Variants in NOL10 observed in about 807,000 individuals in gnomAD.
The protein encoded by NOL10 is H_NH0074G24.1.
A neutral mutation model predicts 103.5 loss-of-function variants in NOL10; 58 were observed. The observed-to-expected ratio is 0.56, with a 90% CI of 0.45 to 0.70. NOL10 has a LOEUF of 0.70. Among genes scored for constraint, NOL10 ranks in the 30% least tolerant of loss-of-function variants. NOL10 has a pLI of 0.00. For missense variants in NOL10, 763 were observed against 807.3 expected, an observed-to-expected ratio of 0.95 and a Z score of 0.67; for synonymous variants, 287 against 282.5, an observed-to-expected ratio of 1.02 and a Z score of -0.16.
At chr2:10,622,344 G>A (rs1249895182) in intron 13 of NOL10, among the ~76,000 whole-genome samples, 2 of 152,122 alleles carry the variant, frequency 1.3e-5, no homozygotes, top group South Asian at 2.1e-4. Context: ...CCCATGCCAC[G>A]CTGTGTGTGT....
intron 2 of NOL10, among the ~76,000 whole-genome samples, chr2:10,683,649 T>C (rs1681941565): frequency 6.6e-6 from 1 of 152,204 alleles, no homozygotes; most frequent in South Asian, 2.1e-4. Flanking sequence ...CTGTCCCTTC[T>C]GGACAAAACA....
chr2:10,643,554 G>T (rs1199736687), intron 13 of NOL10, among the ~76,000 whole-genome samples: 3 of 152,082 alleles, frequency 2.0e-5, no homozygotes, highest in East Asian at 3.8e-4. Flanking sequence ...TTTAAGAGAA[G>T]AATTATTTAA....
intron 17 of NOL10, among the ~76,000 whole-genome samples, chr2:10,591,849 A>C (rs1203977970): frequency 6.6e-6 from 1 of 152,028 alleles, no homozygotes; most frequent in Non-Finnish European, 1.5e-5. Flanking sequence ...ACAAAATATA[A>C]AAAATTAGTC....
intron 17 of NOL10, among the ~76,000 whole-genome samples, chr2:10,597,797 A>G (rs1181174754): frequency 1.3e-5 from 2 of 152,226 alleles, no homozygotes; most frequent in Non-Finnish European, 2.9e-5. Flanking sequence ...AGCTATGAAG[A>G]GCTGAAGAGA....
intron 13 of NOL10, among the ~76,000 whole-genome samples, chr2:10,637,519 G>A (rs141182813): frequency 8.7e-4 from 132 of 152,280 alleles, no homozygotes; most frequent in Non-Finnish European, 1.6e-3. Context: ...AGATACCAGC[G>A]TTGAACCCTG....
At chr2:10,640,811 G>C (rs1678646662) in intron 13 of NOL10, among the ~76,000 whole-genome samples, 1 of 152,202 alleles carries the variant, frequency 6.6e-6, no homozygotes, top group African/African-American at 2.4e-5. Flanking sequence ...ACATATAATA[G>C]AGGCAACTAA....
chr2:10,673,960 C>G (rs956304836), intron 4 of NOL10, among the ~76,000 whole-genome samples: 1 of 150,812 alleles, frequency 6.6e-6, no homozygotes, highest in African/African-American at 2.4e-5. Context: ...AGAAAAAGAG[C>G]GAAAAATAGC....
chr2:10,641,853 G>A (rs1310807760), intron 13 of NOL10, among the ~76,000 whole-genome samples: 1 of 151,992 alleles, frequency 6.6e-6, no homozygotes, highest in South Asian at 2.1e-4. Context: ...TCTCCATAAC[G>A]CGGCTCTCCA....
At chr2:10,681,637 T>C (rs889184978) in intron 3 of NOL10, among the ~76,000 whole-genome samples, 4 of 152,188 alleles carry the variant, frequency 2.6e-5, no homozygotes, top group South Asian at 4.1e-4. Context: ...CTGATAAATA[T>C]TGAACTCCAG....
chr2:10,669,479 T>TAC (rs1372221882), intron 6 of NOL10, among the ~76,000 whole-genome samples: 18 of 133,044 alleles, frequency 1.4e-4, no homozygotes, highest in African/African-American at 5.1e-4. Flanking sequence ...TATATATATA[T>TAC]ATACACACAC....
chr2:10,635,246 T>A (rs1052064028), intron 13 of NOL10, among the ~76,000 whole-genome samples: 2 of 152,262 alleles, frequency 1.3e-5, no homozygotes, highest in African/African-American at 4.8e-5. Flanking sequence ...TGTGGAGTCA[T>A]GTTGGCACTC....
rs2148306438 is a variant in NOL10, at chr2:10,654,540, A to T, written c.914T>A (p.Ile305Lys). 6.3e-7 allele frequency: 1 copy of T among 1,591,500 alleles called. No homozygotes were observed. The highest frequency in any genetic ancestry group is 2.2e-5 in the East Asian group (1 of 44,520). The change falls in exon 12 of 21, where the codon ATA becomes AAA. Residue 305 changes from isoleucine to lysine, a missense_variant. Physicochemically the swap from Ile to Lys is moderately radical, Grantham distance 102. Coordinates refer to ENST00000381685, the MANE Select transcript of NOL10 (RefSeq NM_024894.4). ...VKMWNKNSGK[I>K]FTSLEPEHDL... The stretch of plus-strand genomic sequence containing the variant: ...ATGCTCTGGCTCCAAGGAAGTAAAT[A>T]TTTTTCCCTAAAAATAGCAAGCAAA...
intron 13 of NOL10, among the ~76,000 whole-genome samples, chr2:10,616,812 G>GT (rs2148211713): frequency 6.6e-6 from 1 of 152,258 alleles, no homozygotes; most frequent in Non-Finnish European, 1.5e-5. Context: ...GCCTCCCAAA[G>GT]TGCTGGGATT....
chr2:10,647,096 TA>T (rs1298906643), intron 12 of NOL10, among the ~76,000 whole-genome samples: 3 of 152,194 alleles, frequency 2.0e-5, no homozygotes, highest in African/African-American at 7.2e-5. Context: ...TTATCCACAA[TA>T]AAACTATACA....
intron 13 of NOL10, among the ~76,000 whole-genome samples, chr2:10,608,566 G>A (rs1170811217): frequency 2.0e-5 from 3 of 151,918 alleles, no homozygotes; most frequent in Admixed American, 6.6e-5. Flanking sequence ...TTCCAGTGAC[G>A]ACTTAACCTG....
chr2:10,595,723 G>C (rs192663907), intron 17 of NOL10, among the ~76,000 whole-genome samples: 487 of 152,068 alleles, frequency 3.2e-3, no homozygotes, highest in African/African-American at 0.012. Flanking sequence ...TCCTGCCTCA[G>C]CCTCCCAAGT....
chr2:10,650,240 A>G (rs557660939), intron 12 of NOL10, among the ~76,000 whole-genome samples: 1 of 152,290 alleles, frequency 6.6e-6, no homozygotes, highest in African/African-American at 2.4e-5. Context: ...AGCTCACTAT[A>G]AACTCAAACT....
In NOL10 at chr2:10,607,281, A is replaced by C. The variant is rs146061896; in HGVS notation, c.1057T>G (p.Phe353Val). The C allele has an allele frequency of 1.5e-3, 2,396 of 1,609,382 alleles. 5 individuals are homozygous for C. Among genetic ancestry groups the C allele is most frequent in the Non-Finnish European group, 1.4e-3 (1,619 of 1,177,614 alleles). Reference sequence around the variant, plus strand: ...AATTCTTCGGTCAAGTTGTCTAAGAAGGAACACCACCGAGGAGCAGGACCC... The same window carrying C: ...AATTCTTCGGTCAAGTTGTCTAAGACGGAACACCACCGAGGAGCAGGACCC... ...VLGPAPRWCS[F>V]LDNLTEELEE... Residue 353 changes from phenylalanine (F) to valine (V), a missense_variant, in exon 14 of 21, where the codon TTC (phenylalanine) becomes GTC (valine). By Grantham distance (50) the Phe-to-Val change is conservative. Coordinates refer to ENST00000381685, the MANE Select transcript of NOL10 (RefSeq NM_024894.4).
chr2:10,627,378 T>C (rs942640206), intron 13 of NOL10, among the ~76,000 whole-genome samples: 1 of 152,134 alleles, frequency 6.6e-6, no homozygotes, highest in Admixed American at 6.6e-5. Context: ...TATCCTATTA[T>C]GAATCAAGAC....
Sources: allele counts gnomAD v4.1 joint callset (sites outside exome capture counted in the v4.1 genomes callset), GRCh38; gene constraint gnomAD v4.1.1; transcripts MANE v1.5; gene names NCBI Gene and HGNC (gene_info 2026-07-23, HGNC 2026-07-21).